The following ARSG variants were observed in gnomAD, a reference collection of about 807,000 sequenced individuals.
ARSG encodes the protein ASG.
A neutral mutation model predicts 50.5 loss-of-function variants in ARSG; 37 were observed. The ratio of observed to expected loss-of-function variants is 0.73; its 90% CI spans 0.56 to 0.96. ARSG has a LOEUF of 0.96. ARSG is among the 50% of genes least tolerant of loss of function. The pLI, the probability that ARSG is intolerant of heterozygous loss-of-function variation, is 0.00. For synonymous variants in ARSG, 225 were observed against 254.6 expected (o/e 0.88, Z 1.11); for missense variants, 629 against 675.3 (o/e 0.93, Z 0.76).
chr17:68,343,481 C>G, intron 2 of ARSG, 123 bp from the exon 3 acceptor site: 1 of 1,019,304 alleles, frequency 9.8e-7, no homozygotes, highest in Non-Finnish European at 1.4e-6. Flanking sequence ...CTGACTTGTT[C>G]CATGACTGGG....
At chr17:68,369,645 TGGG>T (rs750555208) in intron 7 of ARSG, among the ~76,000 whole-genome samples, 1 of 152,168 alleles carries the variant, frequency 6.6e-6, no homozygotes, top group African/African-American at 2.4e-5. Flanking sequence ...ACTCTACTAT[TGGG>T]GGAATTCCCT....
At chr17:68,372,696 G>C (rs919188084) in intron 8 of ARSG, among the ~76,000 whole-genome samples, 2 of 152,036 alleles carry the variant, frequency 1.3e-5, no homozygotes, top group Non-Finnish European at 1.5e-5. Flanking sequence ...GGGACACAGA[G>C]CCAAACCGTA....
intron 6 of ARSG, among the ~76,000 whole-genome samples, chr17:68,363,251 C>T (rs1599884797): frequency 6.6e-6 from 1 of 152,060 alleles, no homozygotes; most frequent in East Asian, 1.9e-4. Context: ...TGTTTTGGGG[C>T]AAGATAACAG....
At chr17:68,338,648 C>A (rs185265461) in intron 2 of ARSG, among the ~76,000 whole-genome samples, 1 of 152,154 alleles carries the variant, frequency 6.6e-6, no homozygotes, top group Non-Finnish European at 1.5e-5. Flanking sequence ...AGGTCTTTAA[C>A]CTCCCCCTGC....
chr17:68,288,758 T>G (rs2075900121), upstream of ARSG, among the ~76,000 whole-genome samples: 1 of 152,234 alleles, frequency 6.6e-6, no homozygotes, highest in African/African-American at 2.4e-5. Flanking sequence ...GAAGAGTTGG[T>G]CTTCTTAAAG....
chr17:68,431,809 T>C, the ARSG span, among the ~76,000 whole-genome samples: 11 of 10,534 alleles, frequency 1.0e-3, no homozygotes, highest in Admixed American at 0.011. Flanking sequence ...GAGGTTCTGC[T>C]CCTGGTCACC....
At chr17:68,417,853 C>A (rs1164792484) in intron 11 of ARSG, among the ~76,000 whole-genome samples, 1 of 146,034 alleles carries the variant, frequency 6.8e-6, no homozygotes, top group Non-Finnish European at 1.5e-5. Context: ...GCCTCAGCCT[C>A]CCAGGTAGCC....
At chr17:68,266,126 A>G (rs1356870681) in intron 1 of ARSG, among the ~76,000 whole-genome samples, 3 of 152,116 alleles carry the variant, frequency 2.0e-5, no homozygotes, top group Non-Finnish European at 2.9e-5. Context: ...GGCTACCATG[A>G]TATCATTTCA....
At chr17:68,442,217 A>C in the ARSG span, among the ~76,000 whole-genome samples, 1 of 152,166 alleles carries the variant, frequency 6.6e-6, no homozygotes, top group Non-Finnish European at 1.5e-5. Flanking sequence ...TAATTCCAGC[A>C]CTTTGGGAGG....
chr17:68,267,340 T>A (rs750001601), intron 1 of ARSG: 5 of 152,186 alleles, frequency 3.3e-5, no homozygotes, highest in Non-Finnish European at 7.3e-5. Context: ...GTGACAGAGA[T>A]TTGCTACATC....
intron 8 of ARSG, among the ~76,000 whole-genome samples, chr17:68,383,527 CA>C (rs2080541610): frequency 6.6e-6 from 1 of 152,256 alleles, no homozygotes; most frequent in Non-Finnish European, 1.5e-5. Flanking sequence ...TCCCCGTTTT[CA>C]CCCACCCATA....
intron 5 of ARSG, among the ~76,000 whole-genome samples, chr17:68,355,156 G>A (rs982204060): frequency 6.6e-6 from 1 of 152,160 alleles, no homozygotes; most frequent in African/African-American, 2.4e-5. Flanking sequence ...TGTGTGCAAT[G>A]CACTAACCAT....
At chr17:68,344,434 A>G (rs1295740840) in intron 3 of ARSG, among the ~76,000 whole-genome samples, 1 of 152,234 alleles carries the variant, frequency 6.6e-6, no homozygotes, top group Non-Finnish European at 1.5e-5. Flanking sequence ...CGTCTGCCAC[A>G]TTGTCCAATG....
chr17:68,338,559 A>G (rs771745092), intron 2 of ARSG, among the ~76,000 whole-genome samples: 2 of 152,164 alleles, frequency 1.3e-5, no homozygotes, highest in Admixed American at 1.3e-4. Flanking sequence ...ACCTGACTGC[A>G]TAGTGCCACG....
chr17:68,300,952 A>G (rs540884476), intron 1 of ARSG, among the ~76,000 whole-genome samples: 3 of 151,826 alleles, frequency 2.0e-5, no homozygotes, highest in Non-Finnish European at 4.4e-5. Context: ...CCCCGTCTCT[A>G]CTAAAAATAC....
Position 68,271,347 on chromosome 17 carries a change from C to G in ARSG, c.-552+11921C>G. ...TCTTTTCGCTTGGCCTGGGGCTGGTCTTCACCAGGACCTGCTGCATGTCGG... is the reference window on the plus strand; with the variant it reads ...TCTTTTCGCTTGGCCTGGGGCTGGTGTTCACCAGGACCTGCTGCATGTCGG... On this transcript the variant is annotated intron_variant, in intron 1 of 11. Coordinates refer to the ARSG transcript ENST00000448504. The surrounding 1 kb of genome is among the most constrained non-coding windows in gnomAD (Gnocchi z 5.3). 6.2e-7 allele frequency: 1 copy of G among 1,614,228 alleles called. No individual in the cohort carries two copies. Among genetic ancestry groups the G allele is most frequent in the Non-Finnish European group, 8.5e-7 (1 of 1,180,046 alleles).
At chr17:68,270,605 A>C (rs1246514930) in intron 1 of ARSG, among the ~76,000 whole-genome samples, 1 of 151,582 alleles carries the variant, frequency 6.6e-6, no homozygotes, top group African/African-American at 2.4e-5. Context: ...CACAGCTTCC[A>C]GTCCTGAATC....
intron 1 of ARSG, among the ~76,000 whole-genome samples, chr17:68,279,579 C>T (rs962049203): frequency 1.3e-5 from 2 of 152,096 alleles, no homozygotes; most frequent in South Asian, 4.1e-4. Flanking sequence ...CTGTAGGGCC[C>T]CATCTGGACA....
At chr17:68,281,126 CAAA>C (rs782776858) in intron 1 of ARSG, among the ~76,000 whole-genome samples, 11 of 72,882 alleles carry the variant, frequency 1.5e-4, no homozygotes, top group Admixed American at 4.6e-4. Context: ...ACTCTGCCTC[CAAA>C]AAAAAAAAAA....
Sources: gnomAD v4.1 joint callset for allele counts (sites outside exome capture counted in the v4.1 genomes callset) on GRCh38, gnomAD v4.1.1 for gene constraint, Gnocchi (gnomAD v3.1) non-coding constraint, MANE v1.5 for transcripts, NCBI Gene and HGNC (gene_info 2026-07-23, HGNC 2026-07-21) for gene names.